Variants in ZSWIM5 observed in about 807,000 individuals in gnomAD.
ZSWIM5 encodes zinc finger SWIM-type containing 5, also known as zinc finger SWIM domain-containing protein 5.
Under a neutral mutation model 119.6 loss-of-function variants are expected in ZSWIM5, and 55 were observed. The observed-to-expected ratio is 0.46, with a 90% CI of 0.37 to 0.58. The LOEUF (loss-of-function observed/expected upper bound fraction) is 0.58. ZSWIM5 is among the 20% of genes least tolerant of loss of function. The probability of loss-of-function intolerance (pLI) is 0.00; values close to 1 mark genes in which losing one functional copy is unlikely to be tolerated. For missense variants in ZSWIM5, 1,193 were observed against 1,512.8 expected (o/e 0.79, Z 3.51); for synonymous variants, 537 against 606.9 (o/e 0.88, Z 1.69).
At chr1:45,143,638 T>C (rs1448857792) in intron 1 of ZSWIM5, among the ~76,000 whole-genome samples, 3 of 152,134 alleles carry the variant, frequency 2.0e-5, no homozygotes, top group Admixed American at 6.5e-5. Context: ...CCCATTCCTA[T>C]TGAACACTGT....
chr1:45,104,701 G>A (rs1237325644), intron 1 of ZSWIM5, among the ~76,000 whole-genome samples: 1 of 152,170 alleles, frequency 6.6e-6, no homozygotes, highest in Non-Finnish European at 1.5e-5. Flanking sequence ...GTCACCCTAA[G>A]CTTCTCAGAG....
intron 1 of ZSWIM5, among the ~76,000 whole-genome samples, chr1:45,128,005 C>T (rs1044202859): frequency 3.3e-5 from 5 of 152,162 alleles, no homozygotes; most frequent in Non-Finnish European, 5.9e-5. Context: ...AATGAAGAGA[C>T]ATTCCATGTT....
chr1:45,104,105 G>A (rs1424329010), intron 1 of ZSWIM5, among the ~76,000 whole-genome samples: 4 of 152,210 alleles, frequency 2.6e-5, no homozygotes, highest in Admixed American at 2.6e-4. Context: ...AAACTGCATA[G>A]TATAAATTAG....
intron 2 of ZSWIM5, among the ~76,000 whole-genome samples, chr1:45,066,219 T>C (rs1173558125): frequency 1.3e-5 from 2 of 151,316 alleles, no homozygotes; most frequent in African/African-American, 4.9e-5. Flanking sequence ...TGTATAGTAT[T>C]CCCCCCCATG....
At chr1:45,062,621 T>C (rs1645159510) in intron 2 of ZSWIM5, among the ~76,000 whole-genome samples, 1 of 152,202 alleles carries the variant, frequency 6.6e-6, no homozygotes, top group South Asian at 2.1e-4. Context: ...CCACCTTAGC[T>C]TCCCAAGTAG....
intron 1 of ZSWIM5, among the ~76,000 whole-genome samples, chr1:45,130,830 G>C (rs1645652081): frequency 6.6e-6 from 1 of 152,188 alleles, no homozygotes; most frequent in South Asian, 2.1e-4. Flanking sequence ...AAGTCATTCA[G>C]ATGTCCTTCA....
chr1:45,080,731 C>A (rs1645285050), intron 2 of ZSWIM5, among the ~76,000 whole-genome samples: 1 of 152,000 alleles, frequency 6.6e-6, no homozygotes, highest in African/African-American at 2.4e-5. Flanking sequence ...TGCCTCCTTC[C>A]TCAATCTTTC....
intron 1 of ZSWIM5, among the ~76,000 whole-genome samples, chr1:45,115,916 G>A (rs925163113): frequency 6.6e-6 from 1 of 152,198 alleles, no homozygotes; most frequent in African/African-American, 2.4e-5. Flanking sequence ...GGGAGGTGGA[G>A]GTTGTAGCGA....
At position 45,018,409 on chromosome 1, in the gene ZSWIM5, C is replaced by T; in HGVS notation, c.*45G>A. On this transcript the variant is annotated 3_prime_UTR_variant, in exon 14 of 14. Transcript: ENST00000359600. The surrounding 1 kb of genome is among the most constrained non-coding windows in gnomAD (Gnocchi z 6.7). ...TCAGTGCCCTTGGCCTGACCTGATA[C>T]TACCTGGGAACCCAGGCTGCTCTGG... 1 of 1,588,612 alleles carries T rather than the reference C, an allele frequency of 6.3e-7. No individual in the cohort carries two copies. Among genetic ancestry groups the T allele is most frequent in the Non-Finnish European group, 8.6e-7 (1 of 1,167,448 alleles).
chr1:45,028,766 A>AT (rs1644934803), intron 11 of ZSWIM5, among the ~76,000 whole-genome samples: 1 of 149,732 alleles, frequency 6.7e-6, no homozygotes, highest in Non-Finnish European at 1.5e-5. Flanking sequence ...AAAAATAAAA[A>AT]TAAAAAAAAA....
chr1:45,143,010 A>C (rs1645736632), intron 1 of ZSWIM5, among the ~76,000 whole-genome samples: 1 of 144,598 alleles, frequency 6.9e-6, no homozygotes, highest in South Asian at 2.2e-4. Context: ...GTCTCTACCA[A>C]AAAAAAAAAA....
intron 7 of ZSWIM5, among the ~76,000 whole-genome samples, chr1:45,039,796 C>T (rs149157007): frequency 0.015 from 2,263 of 151,740 alleles, 68 homozygotes; most frequent in African/African-American, 0.052. Context: ...CCTCCGCCTC[C>T]TGGGTTCCAG....
intron 1 of ZSWIM5, among the ~76,000 whole-genome samples, chr1:45,144,941 G>T (rs964423479): frequency 6.6e-6 from 1 of 151,978 alleles, no homozygotes; most frequent in Non-Finnish European, 1.5e-5. Context: ...TTGCATCTAG[G>T]ATAGAAAACG....
intron 1 of ZSWIM5, among the ~76,000 whole-genome samples, chr1:45,091,541 TA>T (rs949360534): frequency 2.7e-5 from 4 of 149,348 alleles, no homozygotes; most frequent in Non-Finnish European, 5.9e-5. Flanking sequence ...CACATGCCTG[TA>T]GTACCAGCTA....
rs117464960 is a variant in ZSWIM5, at chr1:45,160,700, G to A, written c.595+45056C>T. Among the ~76,000 whole-genome samples, 768 of 151,602 alleles carry A rather than the reference G, an allele frequency of 5.1e-3. 23 individuals are homozygous for A. The highest frequency in any genetic ancestry group is 0.047 in the East Asian group (243 of 5,154). On this transcript the variant is annotated intron_variant, in intron 1 of 13. Transcript: ENST00000359600. ...AAGTAGTTTCGTTCTTGTTGCCCAG[G>A]CTGGACGGTAATGGCATGATCTCTG...
chr1:45,106,603 C>T (rs530460092), intron 1 of ZSWIM5, among the ~76,000 whole-genome samples: 3 of 148,084 alleles, frequency 2.0e-5, no homozygotes, highest in South Asian at 2.2e-4. Flanking sequence ...TGCCTCTGCC[C>T]GGCCGCCCCG....
intron 1 of ZSWIM5, among the ~76,000 whole-genome samples, chr1:45,129,485 G>A (rs1316064802): frequency 2.6e-5 from 4 of 151,886 alleles, no homozygotes; most frequent in Non-Finnish European, 4.4e-5. Flanking sequence ...TAAGAGTTAT[G>A]TATATGTTTC....
At chr1:45,037,251 C>T (rs539432252) in intron 8 of ZSWIM5, among the ~76,000 whole-genome samples, 2 of 151,810 alleles carry the variant, frequency 1.3e-5, no homozygotes, top group South Asian at 4.2e-4. Flanking sequence ...GCTGGGATTA[C>T]AGGCACACAC....
intron 1 of ZSWIM5, among the ~76,000 whole-genome samples, chr1:45,186,079 T>G (rs538272406): frequency 6.6e-5 from 10 of 151,444 alleles, no homozygotes; most frequent in Admixed American, 3.3e-4. Context: ...CCATAAAAAA[T>G]GATGAGTTCA....
Sources: gnomAD v4.1 joint callset for allele counts (sites outside exome capture counted in the v4.1 genomes callset) on GRCh38, gnomAD v4.1.1 for gene constraint, Gnocchi (gnomAD v3.1) non-coding constraint, MANE v1.5 for transcripts, NCBI Gene and HGNC (gene_info 2026-07-23, HGNC 2026-07-21) for gene names.